Variants in SHLD2 observed in about 807,000 individuals in gnomAD.
SHLD2 encodes shieldin complex subunit 2, also known as RINN1-REV7-interacting novel NHEJ regulator 2.
A neutral mutation model predicts 73.2 loss-of-function variants in SHLD2; 30 were observed. The observed-to-expected ratio is 0.41, with a 90% confidence interval of 0.31 to 0.56. The LOEUF is 0.56. Among genes scored for constraint, SHLD2 ranks in the 20% least tolerant of loss-of-function variants. The probability of loss-of-function intolerance (pLI) is 0.28; values close to 1 mark genes in which losing one functional copy is unlikely to be tolerated. For missense variants in SHLD2, 745 were observed against 1,055.9 expected (o/e 0.71, Z 4.08); for synonymous variants, 285 against 370.1 (o/e 0.77, Z 2.64).
At chr10:87,129,557 G>A (rs4592345) in intron 2 of SHLD2, among the ~76,000 whole-genome samples, 48,310 of 151,806 alleles carry the variant, frequency 0.32, 8,429 homozygotes, top group East Asian at 0.74. Flanking sequence ...TTATTCTGTT[G>A]CCATCTCTTT....
At chr10:87,107,374 A>G (rs186655793) in intron 2 of SHLD2, among the ~76,000 whole-genome samples, 1 of 152,324 alleles carries the variant, frequency 6.6e-6, no homozygotes, top group Non-Finnish European at 1.5e-5. Context: ...AGGTCTTGCC[A>G]CTGCACTCCA....
chr10:87,129,898 G>A (rs1374979712), intron 2 of SHLD2, among the ~76,000 whole-genome samples: 2 of 152,118 alleles, frequency 1.3e-5, no homozygotes, highest in Admixed American at 6.5e-5. Flanking sequence ...TGGGATTACA[G>A]TGTAGTATCT....
chr10:87,184,464 C>G (rs1848492319), intron 8 of SHLD2, among the ~76,000 whole-genome samples: 1 of 152,004 alleles, frequency 6.6e-6, no homozygotes, highest in South Asian at 2.1e-4. Flanking sequence ...GCCTGCTGGT[C>G]TGGAATCACT....
At position 87,158,291 on chromosome 10, in the gene SHLD2, A is replaced by G. The variant is rs551617411; in HGVS notation, c.1633+136A>G. 1,706 of 823,666 alleles carry G rather than the reference A, an allele frequency of 2.1e-3. 30 individuals are homozygous for G. In the African/African-American group the frequency reaches 0.027, roughly 13 times the overall value. The allele number at this position is 823,666 out of a possible 1,614,324, so 51.0% of individuals were successfully genotyped here. ...AGAGTATTGGTTTCTTTTCATTAGT[A>G]AGAATGAAAATAGAATTTTAAGAAA... On this transcript the variant is annotated intron_variant, in intron 4 of 9. Coordinates refer to ENST00000298786, the MANE Select transcript of SHLD2 (RefSeq NM_001330112.2).
chr10:87,128,092 AGTT>A (rs1208985523), intron 2 of SHLD2, among the ~76,000 whole-genome samples: 1 of 152,158 alleles, frequency 6.6e-6, no homozygotes, highest in Non-Finnish European at 1.5e-5. Flanking sequence ...AATGTTATAC[AGTT>A]TAATGAGTCA....
upstream of SHLD2, chr10:87,094,775 C>A: frequency 6.5e-7 from 1 of 1,534,640 alleles, no homozygotes; most frequent in Non-Finnish European, 8.8e-7. This position sits in a 1 kb window ranked among gnomAD's most constrained non-coding sequence, Gnocchi z 6.6. Context: ...TACATGGCCA[C>A]AAGCGGAGGG....
At chr10:87,142,182 T>C (rs149280356) in intron 2 of SHLD2, among the ~76,000 whole-genome samples, 2,035 of 152,296 alleles carry the variant, frequency 0.013, 52 homozygotes, top group African/African-American at 0.046. Flanking sequence ...AAACCAGTTA[T>C]TTACCCCATC....
chr10:87,172,127 ATGT>A (rs1399132840), intron 6 of SHLD2, among the ~76,000 whole-genome samples: 7 of 152,184 alleles, frequency 4.6e-5, no homozygotes, highest in Non-Finnish European at 7.3e-5. Flanking sequence ...AGGAATTAAG[ATGT>A]TGTTGTTCTT....
At chr10:87,131,170 G>T (rs1216570576) in intron 2 of SHLD2, among the ~76,000 whole-genome samples, 2 of 151,498 alleles carry the variant, frequency 1.3e-5, no homozygotes, top group African/African-American at 2.4e-5. Flanking sequence ...TCTTTACCCA[G>T]AACTTATTTC....
chr10:87,128,268 A>G (rs1299966897), intron 2 of SHLD2, among the ~76,000 whole-genome samples: 1 of 152,226 alleles, frequency 6.6e-6, no homozygotes, highest in African/African-American at 2.4e-5. Flanking sequence ...TCAGGTTAGA[A>G]CATAAATTAT....
chr10:87,176,449 C>T (rs1221462931), intron 7 of SHLD2, among the ~76,000 whole-genome samples: 2 of 152,170 alleles, frequency 1.3e-5, no homozygotes, highest in Non-Finnish European at 2.9e-5. Context: ...CACACCCAGC[C>T]CACTGCTAGT....
At chr10:87,174,193 G>C (rs1217015119) in intron 6 of SHLD2, among the ~76,000 whole-genome samples, 6 of 150,600 alleles carry the variant, frequency 4.0e-5, no homozygotes, top group Non-Finnish European at 4.4e-5. Flanking sequence ...CAAAATAGAG[G>C]TTTGCTGTAA....
chr10:87,128,892 T>C (rs1844227658), intron 2 of SHLD2, among the ~76,000 whole-genome samples: 1 of 152,186 alleles, frequency 6.6e-6, no homozygotes, highest in Admixed American at 6.5e-5. Flanking sequence ...TATTTATGTA[T>C]TTTTAAATTT....
At chr10:87,096,724 G>A (rs1320799926) in intron 1 of SHLD2, among the ~76,000 whole-genome samples, 1 of 152,210 alleles carries the variant, frequency 6.6e-6, no homozygotes, top group Non-Finnish European at 1.5e-5. Context: ...ATATGTTCAT[G>A]TTATTCATCT....
intron 2 of SHLD2, among the ~76,000 whole-genome samples, chr10:87,135,709 T>A (rs1366685750): frequency 6.7e-6 from 1 of 149,304 alleles, no homozygotes; most frequent in Non-Finnish European, 1.5e-5. Context: ...CTGTATTGCC[T>A]AGGCTGGTCT....
chr10:87,187,350 T>C, intron 9 of SHLD2, 150 bp downstream of exon 9: 2 of 624,568 alleles, frequency 3.2e-6, no homozygotes, highest in Non-Finnish European at 5.8e-6. Flanking sequence ...TATAAGCCTA[T>C]GTAAGTTAGA....
intron 2 of SHLD2, among the ~76,000 whole-genome samples, chr10:87,120,133 A>G (rs1843505466): frequency 1.3e-5 from 2 of 152,132 alleles, no homozygotes; most frequent in South Asian, 4.1e-4. Context: ...CAACTTCGGT[A>G]ACCTTGAAGG....
intron 3 of SHLD2, among the ~76,000 whole-genome samples, chr10:87,157,032 T>TG (rs1211761191): frequency 6.6e-6 from 1 of 151,864 alleles, no homozygotes; most frequent in Non-Finnish European, 1.5e-5. Flanking sequence ...GAGGGGTAGG[T>TG]GGGGGCTGGT....
chr10:87,170,534 A>G lies in SHLD2; in HGVS notation c.1690A>G (p.Lys564Glu), dbSNP rs1218821271. The change falls in exon 5 of 10, where the codon AAA becomes GAA. Residue 564 changes from lysine to glutamate, a missense_variant. Physicochemically the swap from Lys to Glu is moderately conservative, Grantham distance 56. Around this residue, in one of 5 missense-constraint regions of SHLD2, gnomAD observed 418 missense variants for 567.8 expected, o/e 0.74. Transcript: ENST00000298786. ...AGACTTACTGGCATATGTGTCCTCA[A>G]AACATTCCTACCTCAGAGATCTTCC... Reference protein sequence around the residue: ...LQDLLAYVSSKHSYLRDLPPR... With the variant: ...LQDLLAYVSSEHSYLRDLPPR... The G allele has an allele frequency of 6.2e-7, 1 of 1,612,784 alleles. No homozygotes were observed.
Sources: gnomAD v4.1 joint callset for allele counts (sites outside exome capture counted in the v4.1 genomes callset) on GRCh38, gnomAD v4.1.1 for gene constraint, gnomAD v4.1.1 regional missense constraint, Gnocchi (gnomAD v3.1) non-coding constraint, MANE v1.5 for transcripts, NCBI Gene and HGNC (gene_info 2026-07-23, HGNC 2026-07-21) for gene names.